ITPRID1: variants seen among roughly 807,000 people sequenced by gnomAD.
ITPRID1 encodes the protein ITPR interacting domain containing 1.
In ITPRID1, 96 loss-of-function variants were observed where a neutral mutation model predicts 95.4. That is an observed-to-expected ratio of 1.01 (90% CI 0.85 to 1.19). ITPRID1 has a LOEUF of 1.19. ITPRID1 is among the 50% of genes most tolerant of loss of function. The pLI is 0.00. For synonymous variants in ITPRID1, 510 were observed against 453.6 expected (o/e 1.12, Z -1.58); for missense variants, 1,339 against 1,252.9 (o/e 1.07, Z -1.04).
At chr7:31,645,093 C>A (rs1790351101) in intron 12 of ITPRID1, among the ~76,000 whole-genome samples, 1 of 152,168 alleles carries the variant, frequency 6.6e-6, no homozygotes, top group South Asian at 2.1e-4. Flanking sequence ...AAATAATTAT[C>A]TCAATGCCTC....
chr7:31,638,479 A>G (rs1789696312), intron 10 of ITPRID1, among the ~76,000 whole-genome samples: 1 of 152,182 alleles, frequency 6.6e-6, no homozygotes, highest in African/African-American at 2.4e-5. Flanking sequence ...AGACTTTTCT[A>G]GGTTTTTGTT....
At chr7:31,549,342 G>A in intron 1 of ITPRID1, 84 bp from the exon 2 acceptor site, 2 of 969,336 alleles carry the variant, frequency 2.1e-6, no homozygotes, top group Non-Finnish European at 2.8e-6. Flanking sequence ...AGACAACACA[G>A]GCTACCCACA....
chr7:31,522,231 C>T (rs1162454151), intron 1 of ITPRID1, among the ~76,000 whole-genome samples: 2 of 152,110 alleles, frequency 1.3e-5, no homozygotes, highest in East Asian at 1.9e-4. Context: ...CACAGACCCA[C>T]GATTAAAGTA....
chr7:31,615,536 TGTGA>T (rs1161616206), intron 10 of ITPRID1, among the ~76,000 whole-genome samples: 4 of 152,200 alleles, frequency 2.6e-5, no homozygotes, highest in Admixed American at 2.0e-4. Context: ...GATGTGAAGA[TGTGA>T]GTGATTATCA....
intron 10 of ITPRID1, among the ~76,000 whole-genome samples, chr7:31,603,589 T>G (rs936943331): frequency 1.3e-5 from 2 of 152,228 alleles, no homozygotes; most frequent in Non-Finnish European, 2.9e-5. Flanking sequence ...TGGGGCATTT[T>G]ACTTCCATAA....
At chr7:31,528,388 G>T (rs1374632502) in intron 1 of ITPRID1, among the ~76,000 whole-genome samples, 1 of 152,122 alleles carries the variant, frequency 6.6e-6, no homozygotes, top group African/African-American at 2.4e-5. Flanking sequence ...ATGGCATTTC[G>T]GTTAAAGTAT....
chr7:31,585,630 A>G (rs1398914043), intron 10 of ITPRID1, among the ~76,000 whole-genome samples: 4 of 152,186 alleles, frequency 2.6e-5, no homozygotes, highest in Admixed American at 6.5e-5. Context: ...AGATGAGTCT[A>G]CTGCAGAACT....
chr7:31,552,796 T>G (rs1297247845), intron 2 of ITPRID1, among the ~76,000 whole-genome samples: 1 of 152,178 alleles, frequency 6.6e-6, no homozygotes, highest in Non-Finnish European at 1.5e-5. Context: ...AGTCCCAGGC[T>G]GCTTTGCCTT....
intron 1 of ITPRID1, 30 bp from the exon 2 acceptor site, chr7:31,549,396 A>G (rs1784207698): frequency 7.4e-7 from 1 of 1,353,516 alleles, no homozygotes; most frequent in Middle Eastern, 1.9e-4. Context: ...AAATGATTGC[A>G]TTGATTGGTG....
chr7:31,560,344 C>T (rs184567738), intron 5 of ITPRID1, among the ~76,000 whole-genome samples: 43 of 152,276 alleles, frequency 2.8e-4, no homozygotes, highest in Non-Finnish European at 4.4e-5. Flanking sequence ...TTGGCTCTTA[C>T]TCAGTGTCAC....
Position 31,554,903 on chromosome 7 carries a change from T to C in ITPRID1, c.256+2T>C. 1 of 1,576,672 alleles carries C rather than the reference T, an allele frequency of 6.3e-7. No individual in the cohort carries two copies. The highest frequency in any genetic ancestry group is 1.2e-5 in the South Asian group (1 of 86,338). On this transcript the variant is annotated splice_donor_variant, in intron 5 of 14. Transcript: ENST00000615280. LOFTEE classifies it high-confidence loss of function. Reference sequence around the variant, plus strand: ...TTCAACAAGTCATTGACCGCACTGGTAAGACAAGAGAAGCAGTTATGCTTT... The same window carrying C: ...TTCAACAAGTCATTGACCGCACTGGCAAGACAAGAGAAGCAGTTATGCTTT...
intron 10 of ITPRID1, among the ~76,000 whole-genome samples, chr7:31,621,304 G>A (rs1471281771): frequency 1.8e-4 from 15 of 82,214 alleles, no homozygotes; most frequent in Admixed American, 1.8e-3. Flanking sequence ...ACACATAATT[G>A]TCAGATTCAC....
chr7:31,517,149 G>T (rs1783070952), intron 1 of ITPRID1, among the ~76,000 whole-genome samples: 1 of 152,158 alleles, frequency 6.6e-6, no homozygotes, highest in African/African-American at 2.4e-5. Flanking sequence ...GGTTCGGGTG[G>T]CCTGCTTTTA....
At chr7:31,646,142 TTTAG>T (rs1246997326) in intron 12 of ITPRID1, among the ~76,000 whole-genome samples, 1 of 152,190 alleles carries the variant, frequency 6.6e-6, no homozygotes, top group Non-Finnish European at 1.5e-5. Flanking sequence ...TTAAGTCATA[TTTAG>T]TTGTCTATTT....
intron 10 of ITPRID1, among the ~76,000 whole-genome samples, chr7:31,624,461 A>AGATC (rs1788243812): frequency 1.9e-5 from 2 of 106,362 alleles, no homozygotes; most frequent in Non-Finnish European, 3.9e-5. Context: ...CCTCAGAAAT[A>AGATC]ACGCCACATA....
chr7:31,529,797 T>C, intron 1 of ITPRID1: 2 of 1,535,422 alleles, frequency 1.3e-6, no homozygotes, highest in Non-Finnish European at 8.7e-7. Context: ...TGCAAGACCA[T>C]TTCTCTGCTG....
rs578073768 is a variant in ITPRID1 at position 31,628,235 on chromosome 7, G to A, written c.1229-13941G>A. 3.9e-5 allele frequency among the ~76,000 whole-genome samples: 6 copies of A among 152,224 alleles called. No homozygotes were observed. The East Asian group carries it at 9.7e-4, about 25-fold the overall frequency. On this transcript the variant is annotated intron_variant, in intron 10 of 14. Transcript: ENST00000615280. The stretch of plus-strand genomic sequence containing the variant: ...GCCCTTCAATCTCCTACTCCTACCG[G>A]TGCCTCCCATTGATGGAACACAAGA...
downstream of ITPRID1, among the ~76,000 whole-genome samples, chr7:31,657,553 T>C (rs1042970305): frequency 6.6e-5 from 10 of 152,172 alleles, no homozygotes; most frequent in South Asian, 4.1e-4. Flanking sequence ...ACCACCATCC[T>C]AGCAACTCTT....
intron 10 of ITPRID1, among the ~76,000 whole-genome samples, chr7:31,628,665 C>G (rs1788711078): frequency 6.6e-6 from 1 of 152,042 alleles, no homozygotes; most frequent in Admixed American, 6.6e-5. Context: ...ACCGTGTTAG[C>G]CAGGATGGTC....
Sources: gnomAD v4.1 joint callset for allele counts (sites outside exome capture counted in the v4.1 genomes callset) on GRCh38, gnomAD v4.1.1 for gene constraint, MANE v1.5 for transcripts, NCBI Gene and HGNC (gene_info 2026-07-23, HGNC 2026-07-21) for gene names.